Variants in LMO1 observed in about 807,000 individuals in gnomAD.
LMO1 encodes rhombotin-1.
In LMO1, 10 loss-of-function variants were observed where a neutral mutation model predicts 18.0. That is an observed-to-expected ratio of 0.55 (90% CI 0.34 to 0.94). The LOEUF (loss-of-function observed/expected upper bound fraction) is 0.94. LMO1 is among the 40% of genes least tolerant of loss of function. The pLI is 0.02. For missense variants in LMO1, 183 were observed against 205.7 expected (o/e 0.89, Z 0.68); for synonymous variants, 77 against 77.9 (o/e 0.99, Z 0.06).
intron 1 of LMO1, among the ~76,000 whole-genome samples, chr11:8,235,015 T>A (rs1439551686): frequency 6.6e-6 from 1 of 152,170 alleles, no homozygotes; most frequent in Non-Finnish European, 1.5e-5. Context: ...ATGTGTGTAC[T>A]GGGAGCCACA....
rs375838213 is a variant in LMO1, at chr11:8,232,274, TG to T, written c.26-1771del. On this transcript the variant is annotated intron_variant, in intron 1 of 3. Transcript: ENST00000335790. ...AAGGTTAATTGGTCTGAGAGAGGGA[TG>T]GGGCACAGGATGACTCTGTCCTCGG... Among the ~76,000 whole-genome samples the T allele has an allele frequency of 5.1e-3, 782 of 152,226 alleles. 5 individuals are homozygous for T. The highest frequency in any genetic ancestry group is 0.018 in the African/African-American group (754 of 41,540).
intron 1 of LMO1, among the ~76,000 whole-genome samples, chr11:8,254,181 A>C (rs2134575225): frequency 6.6e-6 from 1 of 152,350 alleles, no homozygotes; most frequent in Middle Eastern, 3.4e-3. Context: ...AAGGCCTAGA[A>C]ACAGAATAAC....
At chr11:8,227,770 C>T (rs1200061585) in intron 2 of LMO1, among the ~76,000 whole-genome samples, 2 of 152,196 alleles carry the variant, frequency 1.3e-5, no homozygotes, top group East Asian at 1.9e-4. Context: ...GGCCTTGGTC[C>T]AGAAGGCGTG....
At chr11:8,246,821 T>C (rs1846902163) in intron 1 of LMO1, among the ~76,000 whole-genome samples, 1 of 150,336 alleles carries the variant, frequency 6.7e-6, no homozygotes, top group African/African-American at 2.4e-5. Flanking sequence ...CTGTGGCAGC[T>C]AGAAGCTGCC....
chr11:8,258,962 C>T (rs1847142294), intron 1 of LMO1, among the ~76,000 whole-genome samples: 1 of 152,178 alleles, frequency 6.6e-6, no homozygotes, highest in Non-Finnish European at 1.5e-5. Context: ...TCTCCTGCTC[C>T]CTGTAATTGG....
intron 1 of LMO1, among the ~76,000 whole-genome samples, chr11:8,234,249 A>G (rs1952721691): frequency 6.6e-6 from 1 of 152,152 alleles, no homozygotes; most frequent in Non-Finnish European, 1.5e-5. Context: ...TCTGGCTGCC[A>G]GACACTCACC....
chr11:8,227,085 T>G lies in LMO1; in HGVS notation c.255A>C (p.Thr85=). ...GCTTGCTGCAAGCAGCACAGTTCCC[T>G]GTGGTGCCAAAGAGCCTGCCGAGGG... ...RRDYLRLFGT[T]GNCAACSKLI... The change falls in exon 3 of 4, where the codon ACA becomes ACC. Residue 85 remains threonine, a synonymous_variant. Coordinates refer to ENST00000335790, the MANE Select transcript of LMO1 (RefSeq NM_002315.3). 1 of 1,613,466 alleles carries G rather than the reference T, an allele frequency of 6.2e-7. No individual in the cohort carries two copies. Among genetic ancestry groups the G allele is most frequent in the Non-Finnish European group, 8.5e-7 (1 of 1,179,592 alleles).
chr11:8,249,576 A>G (rs991611661), intron 1 of LMO1, among the ~76,000 whole-genome samples: 3 of 152,230 alleles, frequency 2.0e-5, no homozygotes, highest in Non-Finnish European at 2.9e-5. Context: ...AGCATCATGC[A>G]GTATGCCCAT....
rs180720993 is a variant in LMO1 at position 8,225,338 on chromosome 11, G to C, written c.366-617C>G. ...GAGGATTGCTTGAACCCAGGAGGCG[G>C]AAGTTGCAGTGAGCCGAGATCACGC... On this transcript the variant is annotated intron_variant, in intron 3 of 3. Coordinates refer to ENST00000335790, the MANE Select transcript of LMO1 (RefSeq NM_002315.3). 7.1e-3 allele frequency among the ~76,000 whole-genome samples: 962 copies of C among 134,986 alleles called. 10 individuals carry two copies. The highest frequency in any genetic ancestry group is 0.028 in the South Asian group (112 of 3,932). The allele number at this position is 134,986 out of a possible 152,430, so 88.6% of individuals were successfully genotyped here.
chr11:8,240,150 G>A (rs1012084574), intron 1 of LMO1, among the ~76,000 whole-genome samples: 6 of 152,174 alleles, frequency 3.9e-5, no homozygotes, highest in East Asian at 1.9e-4. Flanking sequence ...AAAAGAAGAC[G>A]GCTCTGAAAC....
At chr11:8,244,769 T>C (rs1565182802) in intron 1 of LMO1, among the ~76,000 whole-genome samples, 1 of 152,192 alleles carries the variant, frequency 6.6e-6, no homozygotes, top group African/African-American at 2.4e-5. Context: ...ACTCCCAACA[T>C]GGGAGATCTC....
chr11:8,263,831 TG>T lies in LMO1; in HGVS notation c.-470del. The T allele has an allele frequency of 9.5e-7, 1 of 1,055,982 alleles. No homozygotes were observed. The highest frequency in any genetic ancestry group is 1.1e-6 in the Non-Finnish European group (1 of 874,052). The allele number at this position is 1,055,982 out of a possible 1,614,324, so 65.4% of individuals were successfully genotyped here. ...CAATCTAAAATTATATTCAAAGAGATGGGGGAATCTCGTGGCCGTCTCCCGC... is the reference window on the plus strand; with the variant it reads ...CAATCTAAAATTATATTCAAAGAGATGGGGAATCTCGTGGCCGTCTCCCGC... On this transcript the variant is annotated 5_prime_UTR_variant, in exon 1 of 4. Coordinates refer to ENST00000335790, the MANE Select transcript of LMO1 (RefSeq NM_002315.3).
intron 1 of LMO1, among the ~76,000 whole-genome samples, chr11:8,253,003 G>A (rs1305826815): frequency 6.6e-6 from 1 of 152,216 alleles, no homozygotes; most frequent in Non-Finnish European, 1.5e-5. Context: ...CATTGAGAGG[G>A]GGCCCTGCAG....
chr11:8,248,581 C>T (rs1846935177), intron 1 of LMO1, among the ~76,000 whole-genome samples: 1 of 152,278 alleles, frequency 6.6e-6, no homozygotes, highest in Non-Finnish European at 1.5e-5. Flanking sequence ...TTCTGCTCTT[C>T]TCTGGACTGA....
chr11:8,268,225 T>C (rs2134598457), upstream of LMO1, among the ~76,000 whole-genome samples: 1 of 152,176 alleles, frequency 6.6e-6, no homozygotes, highest in African/African-American at 2.4e-5. Flanking sequence ...GCCCGGGCGC[T>C]GAGCCTGGCA....
At chr11:8,258,372 A>C (rs1590563105) in intron 1 of LMO1, among the ~76,000 whole-genome samples, 1 of 151,846 alleles carries the variant, frequency 6.6e-6, no homozygotes, top group South Asian at 2.1e-4. Flanking sequence ...GGCTCAAGGC[A>C]CTCACCCCCA....
chr11:8,235,588 C>A (rs1040053265), intron 1 of LMO1, among the ~76,000 whole-genome samples: 1 of 152,160 alleles, frequency 6.6e-6, no homozygotes, highest in Non-Finnish European at 1.5e-5. Flanking sequence ...GGCCCTGCAT[C>A]GCATTCAGTT....
intron 1 of LMO1, among the ~76,000 whole-genome samples, chr11:8,251,260 G>A (rs922132952): frequency 6.6e-6 from 1 of 152,178 alleles, no homozygotes; most frequent in Non-Finnish European, 1.5e-5. Context: ...ACACTGTGAG[G>A]TGGTGGCAGA....
chr11:8,257,086 A>G (rs1847110621), intron 1 of LMO1, among the ~76,000 whole-genome samples: 1 of 152,202 alleles, frequency 6.6e-6, no homozygotes, highest in East Asian at 1.9e-4. Flanking sequence ...CATCCATGGT[A>G]CAAATACTCC....
Sources: gnomAD v4.1 joint callset for allele counts (sites outside exome capture counted in the v4.1 genomes callset) on GRCh38, gnomAD v4.1.1 for gene constraint, MANE v1.5 for transcripts, NCBI Gene and HGNC (gene_info 2026-07-23, HGNC 2026-07-21) for gene names.